The following ADCY9 variants were observed in gnomAD, a reference collection of about 807,000 sequenced individuals.
ADCY9 encodes the protein adenylate cyclase 9.
In ADCY9, 50 loss-of-function variants were observed where a neutral mutation model predicts 101.5. The observed-to-expected ratio is 0.49, with a 90% CI of 0.39 to 0.62. ADCY9 has a LOEUF of 0.62. Among genes scored for constraint, ADCY9 ranks in the 20% least tolerant of loss-of-function variants. The pLI is 0.00. For missense variants in ADCY9, 1,662 were observed against 1,800.4 expected, an observed-to-expected ratio of 0.92 and a Z score of 1.39; for synonymous variants, 905 against 769.3, an observed-to-expected ratio of 1.18 and a Z score of -2.92.
chr16:4,064,886 C>T (rs1410524214), intron 2 of ADCY9, among the ~76,000 whole-genome samples: 1 of 152,198 alleles, frequency 6.6e-6, no homozygotes, highest in Non-Finnish European at 1.5e-5. Flanking sequence ...TCTTTACCCT[C>T]GGCCCACATC....
intron 2 of ADCY9, among the ~76,000 whole-genome samples, chr16:4,020,112 T>A (rs1400247421): frequency 6.6e-6 from 1 of 152,172 alleles, no homozygotes; most frequent in Non-Finnish European, 1.5e-5. Context: ...GAACTTTCTA[T>A]GAACTTCCCG....
intron 2 of ADCY9, among the ~76,000 whole-genome samples, chr16:4,074,644 G>T (rs532949156): frequency 9.0e-4 from 135 of 150,376 alleles, no homozygotes; most frequent in Admixed American, 1.7e-3. Flanking sequence ...TTGAGCCCAG[G>T]AGGTCGAGGC....
At chr16:3,971,682 T>G (rs1228733789) in intron 10 of ADCY9, among the ~76,000 whole-genome samples, 1 of 152,114 alleles carries the variant, frequency 6.6e-6, no homozygotes, top group Non-Finnish European at 1.5e-5. Flanking sequence ...TGAGCCCCGC[T>G]CGTTGGGTTA....
intron 2 of ADCY9, among the ~76,000 whole-genome samples, chr16:4,097,560 T>A (rs1275364698): frequency 2.9e-5 from 3 of 102,628 alleles, no homozygotes; most frequent in South Asian, 6.0e-4. Flanking sequence ...TATATTTTTT[T>A]TTTTTTTTTT....
intron 2 of ADCY9, among the ~76,000 whole-genome samples, chr16:4,107,951 C>G (rs141120465): frequency 1.3e-5 from 2 of 152,268 alleles, no homozygotes; most frequent in Non-Finnish European, 2.9e-5. Flanking sequence ...GACAATCTGC[C>G]CAAATGCATA....
chr16:3,977,759 C>G, intron 8 of ADCY9, 129 bp from the exon 9 acceptor site: 1 of 1,210,872 alleles, frequency 8.3e-7, no homozygotes, highest in Non-Finnish European at 1.1e-6. Context: ...CTCTGTCGCC[C>G]AGGCTGGAGT....
Position 4,007,464 on chromosome 16 carries a change from G to C in ADCY9, c.1788C>G (p.Gly596=). Residue 596 remains glycine, a synonymous_variant, in exon 3 of 11, where the codon GGC becomes GGG. Coordinates refer to ENST00000294016, the MANE Select transcript of ADCY9 (RefSeq NM_001116.4). ...ALLSGFEVID[G]SQVSSGPRGQ... is the part of the protein sequence containing the mutation. ...CCCTAGGGCCTGAGGACACCTGTGA[G>C]CCGTCAATGACCTCAAAGCCAGAAA... 1.2e-6 allele frequency: 2 copies of C among 1,614,084 alleles called. No homozygotes were observed. The highest frequency in any genetic ancestry group is 1.7e-6 in the Non-Finnish European group (2 of 1,180,028).
intron 2 of ADCY9, among the ~76,000 whole-genome samples, chr16:4,088,259 G>C (rs1010861153): frequency 6.6e-6 from 1 of 151,946 alleles, no homozygotes; most frequent in Non-Finnish European, 1.5e-5. Context: ...AACTCACACA[G>C]TTCTGAAGAC....
At chr16:4,000,600 C>T (rs761530473) in intron 3 of ADCY9, among the ~76,000 whole-genome samples, 32 of 152,262 alleles carry the variant, frequency 2.1e-4, no homozygotes, top group Non-Finnish European at 3.8e-4. Flanking sequence ...TAAGAACAGA[C>T]AGCAGATGGC....
chr16:4,105,604 C>A (rs1248352008), intron 2 of ADCY9, among the ~76,000 whole-genome samples: 2 of 151,012 alleles, frequency 1.3e-5, no homozygotes, highest in Admixed American at 1.3e-4. Context: ...TCCTTGCACC[C>A]AGGAGGCAGA....
chr16:4,026,667 G>C (rs1362912189), intron 2 of ADCY9, among the ~76,000 whole-genome samples: 1 of 152,154 alleles, frequency 6.6e-6, no homozygotes, highest in East Asian at 1.9e-4. Flanking sequence ...GCATCACAAG[G>C]AATGAACTAG....
chr16:3,977,728 T>A, intron 8 of ADCY9, 98 bp from the exon 9 acceptor site: 1 of 1,385,904 alleles, frequency 7.2e-7, no homozygotes, highest in African/African-American at 1.5e-5. Context: ...CATGTTTCCT[T>A]TTTTTTTTGA....
chr16:4,040,412 C>A (rs1237274719), intron 2 of ADCY9, among the ~76,000 whole-genome samples: 1 of 151,714 alleles, frequency 6.6e-6, no homozygotes, highest in African/African-American at 2.4e-5. Context: ...GTTTCCTCTT[C>A]TTCTTTACTT....
chr16:4,042,123 C>A (rs953708343), intron 2 of ADCY9, among the ~76,000 whole-genome samples: 5 of 151,918 alleles, frequency 3.3e-5, no homozygotes, highest in Non-Finnish European at 5.9e-5. Context: ...GGGGGTTTCA[C>A]CATGTTGGCC....
chr16:4,001,752 ATTGT>A (rs1283361613), intron 3 of ADCY9, among the ~76,000 whole-genome samples: 1 of 82,910 alleles, frequency 1.2e-5, no homozygotes, highest in African/African-American at 4.3e-5. Flanking sequence ...TTTTTTTTTT[ATTGT>A]TTTTTTTTTT....
intron 9 of ADCY9, among the ~76,000 whole-genome samples, chr16:3,976,777 C>T (rs777782776): frequency 7.9e-5 from 12 of 152,204 alleles, no homozygotes; most frequent in South Asian, 6.2e-4. Flanking sequence ...CCTACCTCAG[C>T]CTCCCAAGTA....
At chr16:4,061,785 C>T (rs915903264) in intron 2 of ADCY9, among the ~76,000 whole-genome samples, 1 of 152,114 alleles carries the variant, frequency 6.6e-6, no homozygotes, top group Admixed American at 6.6e-5. Flanking sequence ...ATAAAGAATG[C>T]TAGTAATACT....
chr16:3,966,587 C>G lies in ADCY9; in HGVS notation c.3250G>C (p.Val1084Leu). 3 of 1,614,158 alleles carry G rather than the reference C, an allele frequency of 1.9e-6. No homozygotes were observed. Among genetic ancestry groups the G allele is most frequent in the Non-Finnish European group, 2.5e-6 (3 of 1,180,032 alleles). Residue 1084 changes from valine to leucine, a missense_variant, in exon 11 of 11, where the codon GTC (valine) becomes CTC (leucine). By Grantham distance (32) the Val-to-Leu change is conservative (BLOSUM62 1). Around this residue, in one of 5 missense-constraint regions of ADCY9, gnomAD observed 220 missense variants for 312.9 expected, o/e 0.70. Coordinates refer to ENST00000294016, the MANE Select transcript of ADCY9 (RefSeq NM_001116.4). ...NYEGGKECYR[V>L]LNELIGDFDE... is the part of the protein sequence containing the mutation. ...AAGTCCCCGATGAGCTCGTTGAGGACCCGGTAGCACTCCTTGCCGCCCTCG... is the reference window on the plus strand; with the variant it reads ...AAGTCCCCGATGAGCTCGTTGAGGAGCCGGTAGCACTCCTTGCCGCCCTCG...
intron 2 of ADCY9, among the ~76,000 whole-genome samples, chr16:4,079,005 C>T (rs1282442216): frequency 1.3e-5 from 2 of 152,124 alleles, no homozygotes; most frequent in African/African-American, 2.4e-5. Context: ...TATATTTCAT[C>T]GAGTCTAAGA....
Sources: allele counts gnomAD v4.1 joint callset (sites outside exome capture counted in the v4.1 genomes callset), GRCh38; gene constraint gnomAD v4.1.1; regional missense constraint gnomAD v4.1.1; transcripts MANE v1.5; gene names NCBI Gene and HGNC (gene_info 2026-07-23, HGNC 2026-07-21).